The following TBC1D14 variants were observed in gnomAD, a reference collection of about 807,000 sequenced individuals.
TBC1D14 encodes the protein TBC1 domain family member 14, also known as TBC1 domain family, member 14.
A neutral mutation model predicts 79.0 loss-of-function variants in TBC1D14; 26 were observed. The observed-to-expected ratio is 0.33, with a 90% CI of 0.24 to 0.46. The LOEUF is 0.46. Ranked by LOEUF, TBC1D14 falls within the 20% of genes least tolerant of loss-of-function variation. The probability of loss-of-function intolerance (pLI) is 1.00; values close to 1 mark genes in which losing one functional copy is unlikely to be tolerated. For missense variants in TBC1D14, 769 were observed against 887.6 expected (o/e 0.87, Z 1.70); for synonymous variants, 394 against 349.9 (o/e 1.13, Z -1.40).
chr4:6,940,791 G>A (rs913872339), intron 2 of TBC1D14, among the ~76,000 whole-genome samples: 4 of 152,308 alleles, frequency 2.6e-5, no homozygotes, highest in African/African-American at 9.6e-5. Flanking sequence ...ATGTTCTTGT[G>A]TCTTACCTGT....
At chr4:6,951,010 G>T (rs1434511718) in intron 2 of TBC1D14, among the ~76,000 whole-genome samples, 5 of 152,210 alleles carry the variant, frequency 3.3e-5, no homozygotes, top group African/African-American at 1.2e-4. Context: ...GTAGAACTGA[G>T]TGGGCGCAGT....
chr4:6,922,349 A>T (rs569059230), intron 1 of TBC1D14, among the ~76,000 whole-genome samples: 10 of 152,240 alleles, frequency 6.6e-5, no homozygotes, highest in African/African-American at 2.2e-4. Flanking sequence ...ATCTTCACTG[A>T]GCTGGCCTTC....
chr4:6,914,594 GGTGGTT>G (rs1213953120), intron 1 of TBC1D14, among the ~76,000 whole-genome samples: 4 of 152,168 alleles, frequency 2.6e-5, no homozygotes, highest in Non-Finnish European at 4.4e-5. Flanking sequence ...CAGCTCTTTG[GGTGGTT>G]GTGGAGGTGA....
chr4:6,960,238 T>C (rs1488607197), intron 2 of TBC1D14, among the ~76,000 whole-genome samples: 1 of 151,624 alleles, frequency 6.6e-6, no homozygotes, highest in Non-Finnish European at 1.5e-5. Flanking sequence ...CACATCACCA[T>C]GCCTGGCTAT....
chr4:6,991,168 T>G (rs1718447094), intron 3 of TBC1D14, among the ~76,000 whole-genome samples: 1 of 152,230 alleles, frequency 6.6e-6, no homozygotes, highest in African/African-American at 2.4e-5. Context: ...TAATCATGCC[T>G]TGGTCTGTGA....
upstream of TBC1D14, among the ~76,000 whole-genome samples, chr4:6,909,670 A>C (rs1316098778): frequency 6.6e-6 from 1 of 150,410 alleles, no homozygotes; most frequent in Non-Finnish European, 1.5e-5. Context: ...CAGCCGGGCG[A>C]GCGCCGAGCT....
At chr4:7,009,733 T>G in intron 9 of TBC1D14, 144 bp from the exon 10 acceptor site, 1 of 819,042 alleles carries the variant, frequency 1.2e-6, no homozygotes, top group Admixed American at 1.9e-5. Context: ...CATATGCATA[T>G]AGAGCTGCTG....
At chr4:7,018,852 C>T (rs1721532773) in intron 12 of TBC1D14, among the ~76,000 whole-genome samples, 1 of 152,242 alleles carries the variant, frequency 6.6e-6, no homozygotes, top group African/African-American at 2.4e-5. Context: ...GAAAATATTT[C>T]CCATTGCCGG....
chr4:7,022,889 CTCT>C (rs1721970091), intron 12 of TBC1D14, among the ~76,000 whole-genome samples: 1 of 151,844 alleles, frequency 6.6e-6, no homozygotes, highest in South Asian at 2.1e-4. Context: ...TTGTAGAAAT[CTCT>C]TTTGTTCTCT....
At chr4:7,021,858 C>G (rs964733768) in intron 12 of TBC1D14, among the ~76,000 whole-genome samples, 2 of 152,190 alleles carry the variant, frequency 1.3e-5, no homozygotes, top group African/African-American at 4.8e-5. Flanking sequence ...GGGCCCTTCC[C>G]GTCCTGCTTC....
At chr4:6,911,276 G>A (rs1412647591) in intron 1 of TBC1D14, among the ~76,000 whole-genome samples, 1 of 152,146 alleles carries the variant, frequency 6.6e-6, no homozygotes, top group Non-Finnish European at 1.5e-5. Flanking sequence ...TGAACTTGGT[G>A]CTCAGGGTCA....
chr4:6,962,002 GGT>G (rs1715248815), intron 2 of TBC1D14, among the ~76,000 whole-genome samples: 1 of 152,212 alleles, frequency 6.6e-6, no homozygotes, highest in Admixed American at 6.5e-5. Context: ...TGACTGCAGA[GGT>G]GTGTCTGAGC....
chr4:6,967,193 G>A, intron 2 of TBC1D14, 111 bp from the exon 3 acceptor site: 2 of 1,346,496 alleles, frequency 1.5e-6, no homozygotes, highest in South Asian at 2.7e-5. Flanking sequence ...AAGAATTAAA[G>A]TACGTGGTTC....
intron 2 of TBC1D14, among the ~76,000 whole-genome samples, chr4:6,944,557 A>G (rs987805689): frequency 2.6e-5 from 4 of 152,132 alleles, no homozygotes; most frequent in Non-Finnish European, 5.9e-5. Context: ...TCCTTGGCAG[A>G]TGGAGTTCAC....
At chr4:6,967,612 G>T (rs1372327863) in intron 3 of TBC1D14, among the ~76,000 whole-genome samples, 188 bp downstream of exon 3, 1 of 152,206 alleles carries the variant, frequency 6.6e-6, no homozygotes, top group Non-Finnish European at 1.5e-5. Flanking sequence ...CTTACAGCTT[G>T]TAACATGCAC....
intron 4 of TBC1D14, among the ~76,000 whole-genome samples, chr4:6,996,081 C>T (rs1050110867): frequency 6.6e-6 from 1 of 152,162 alleles, no homozygotes; most frequent in African/African-American, 2.4e-5. Context: ...CGTGATCCGC[C>T]TGCCTCGGCC....
chr4:6,960,500 G>A (rs1715089778), intron 2 of TBC1D14, among the ~76,000 whole-genome samples: 1 of 152,108 alleles, frequency 6.6e-6, no homozygotes, highest in Non-Finnish European at 1.5e-5. Flanking sequence ...GCAGATGCAG[G>A]TGTTACATGG....
At chr4:7,021,557 A>G (rs1721837192) in intron 12 of TBC1D14, among the ~76,000 whole-genome samples, 1 of 152,160 alleles carries the variant, frequency 6.6e-6, no homozygotes. Flanking sequence ...TGATTGTGCA[A>G]CTGCACTCTG....
intron 2 of TBC1D14, 94 bp from the exon 3 acceptor site, chr4:6,967,210 G>T (rs1210298176): frequency 1.0e-5 from 15 of 1,494,864 alleles, no homozygotes; most frequent in Non-Finnish European, 1.4e-5. Flanking sequence ...GTTCTCAGAG[G>T]AAAGCTGACT....
Sources: gnomAD v4.1 joint callset for allele counts (sites outside exome capture counted in the v4.1 genomes callset) on GRCh38, gnomAD v4.1.1 for gene constraint, MANE v1.5 for transcripts, NCBI Gene and HGNC (gene_info 2026-07-23, HGNC 2026-07-21) for gene names.